TRAPPC9: variants seen among roughly 807,000 people sequenced by gnomAD.
TRAPPC9 encodes trafficking protein particle complex subunit 9.
A neutral mutation model predicts 124.0 loss-of-function variants in TRAPPC9; 83 were observed. The ratio of observed to expected loss-of-function variants is 0.67; its 90% CI spans 0.56 to 0.80. TRAPPC9 has a LOEUF of 0.80. Ranked by LOEUF, TRAPPC9 falls within the 30% of genes least tolerant of loss-of-function variation. The pLI is 0.00. For synonymous variants in TRAPPC9, 638 were observed against 617.5 expected, an observed-to-expected ratio of 1.03 and a Z score of -0.49; for missense variants, 1,302 against 1,508.3, an observed-to-expected ratio of 0.86 and a Z score of 2.27.
chr8:139,762,472 T>C (rs1163709444), intron 21 of TRAPPC9, among the ~76,000 whole-genome samples: 1 of 152,124 alleles, frequency 6.6e-6, no homozygotes, highest in Non-Finnish European at 1.5e-5. Flanking sequence ...CGAGGCCGTG[T>C]GGTGGAGCCC....
intron 17 of TRAPPC9, among the ~76,000 whole-genome samples, chr8:140,147,436 C>A (rs1445849685): frequency 1.3e-5 from 2 of 152,196 alleles, no homozygotes; most frequent in East Asian, 3.9e-4. Flanking sequence ...AGGCCTTGTT[C>A]CCGGCATGAA....
chr8:140,136,322 C>G (rs755457888), intron 17 of TRAPPC9, among the ~76,000 whole-genome samples: 3 of 152,182 alleles, frequency 2.0e-5, no homozygotes, highest in Non-Finnish European at 4.4e-5. Context: ...CAGCAGGAGC[C>G]CACACAGGAG....
intron 21 of TRAPPC9, among the ~76,000 whole-genome samples, chr8:139,845,934 G>A (rs1827046805): frequency 6.6e-6 from 1 of 152,238 alleles, no homozygotes; most frequent in African/African-American, 2.4e-5. Flanking sequence ...ATGGGTCAGA[G>A]CGGTGGAGGA....
At chr8:139,762,435 G>A (rs1283506470) in intron 21 of TRAPPC9, among the ~76,000 whole-genome samples, 19 of 152,132 alleles carry the variant, frequency 1.2e-4, no homozygotes, top group Non-Finnish European at 2.8e-4. Flanking sequence ...GCACTCACAC[G>A]AGCCTGGAGG....
chr8:139,773,574 CCT>C (rs1221195580), intron 21 of TRAPPC9, among the ~76,000 whole-genome samples: 6 of 152,130 alleles, frequency 3.9e-5, no homozygotes, highest in Admixed American at 3.9e-4. Context: ...ACAGCTGCTT[CCT>C]GCTCACCACA....
At chr8:140,282,942 A>G (rs1294896868) in intron 14 of TRAPPC9, among the ~76,000 whole-genome samples, 1 of 152,140 alleles carries the variant, frequency 6.6e-6, no homozygotes, top group African/African-American at 2.4e-5. Context: ...ACTATTTCTT[A>G]CAGGATAAGA....
At chr8:139,749,634 A>T (rs1303757543) in intron 21 of TRAPPC9, among the ~76,000 whole-genome samples, 1 of 152,140 alleles carries the variant, frequency 6.6e-6, no homozygotes, top group Non-Finnish European at 1.5e-5. Context: ...AGTGCTTACG[A>T]GGTTAAACAG....
At chr8:140,445,453 G>A (rs2071210592) in intron 2 of TRAPPC9, among the ~76,000 whole-genome samples, 1 of 152,198 alleles carries the variant, frequency 6.6e-6, no homozygotes, top group African/African-American at 2.4e-5. Context: ...CTCTCCTGTG[G>A]TCTGAACTCT....
rs547012030 is a variant in TRAPPC9 at position 139,917,646 on chromosome 8, C to T, written c.2811-7346G>A. ...CCCGCTGCCAAGCAACAGGCTCGGTCGCCACCGCCTCCATCTTCGCAGCAG... is the reference window on the plus strand; with the variant it reads ...CCCGCTGCCAAGCAACAGGCTCGGTTGCCACCGCCTCCATCTTCGCAGCAG... On this transcript the variant is annotated intron_variant, in intron 19 of 22. Transcript: ENST00000438773. 5.3e-5 allele frequency among the ~76,000 whole-genome samples: 8 copies of T among 152,316 alleles called. No individual in the cohort carries two copies. In the South Asian group the frequency reaches 1.2e-3, roughly 24 times the overall value.
intron 21 of TRAPPC9, among the ~76,000 whole-genome samples, chr8:139,885,309 T>A (rs1490505757): frequency 6.6e-6 from 1 of 152,204 alleles, no homozygotes; most frequent in Non-Finnish European, 1.5e-5. Context: ...TCAAATAAAC[T>A]GTGCTAAGTG....
rs113064822 is a variant in TRAPPC9 at position 140,304,991 on chromosome 8, A to G, written c.1623-4377T>C. 7.8e-4 allele frequency among the ~76,000 whole-genome samples: 119 copies of G among 152,296 alleles called. 2 individuals are homozygous for G. The highest frequency in any genetic ancestry group is 2.7e-3 in the African/African-American group (113 of 41,550). On this transcript the variant is annotated intron_variant, in intron 10 of 22. Coordinates refer to ENST00000438773, the MANE Select transcript of TRAPPC9 (RefSeq NM_001160372.4). ...ACATCAGACACCTGCCTAGATCTTCATGGGGATGTTGCTGAGCATGCTACT... is the reference window on the plus strand; with the variant it reads ...ACATCAGACACCTGCCTAGATCTTCGTGGGGATGTTGCTGAGCATGCTACT...
At chr8:140,332,321 G>T (rs1356709440) in intron 9 of TRAPPC9, among the ~76,000 whole-genome samples, 1 of 152,170 alleles carries the variant, frequency 6.6e-6, no homozygotes, top group Non-Finnish European at 1.5e-5. Context: ...GGAAGGGTTG[G>T]GGGAAGGAAG....
At chr8:140,190,580 CA>C (rs1256275323) in intron 17 of TRAPPC9, among the ~76,000 whole-genome samples, 1 of 152,176 alleles carries the variant, frequency 6.6e-6, no homozygotes, top group Non-Finnish European at 1.5e-5. Flanking sequence ...CAGGTACACC[CA>C]GAGGCAGAGC....
chr8:140,114,949 G>A (rs1273389537), intron 17 of TRAPPC9, among the ~76,000 whole-genome samples: 1 of 152,184 alleles, frequency 6.6e-6, no homozygotes, highest in Non-Finnish European at 1.5e-5. Context: ...TGAGAGCTGG[G>A]TCTGTGCTAG....
intron 9 of TRAPPC9, among the ~76,000 whole-genome samples, chr8:140,342,999 G>T (rs957128611): frequency 3.3e-5 from 5 of 152,128 alleles, no homozygotes; most frequent in Non-Finnish European, 5.9e-5. Context: ...TATACAATGG[G>T]AAGCTTGCGA....
rs1191649549 is a variant in TRAPPC9, at chr8:139,787,158, G to A, written c.3056-54956C>T. Among the ~76,000 whole-genome samples, 9 of 152,132 alleles carry A rather than the reference G, an allele frequency of 5.9e-5. No homozygotes were observed. In the South Asian group the frequency reaches 8.3e-4, roughly 14 times the overall value. ...CTTGCCTTTCTTATGAAAACACAGC[G>A]AGCTGACGGGCGTGAGTGAGTGTGG... On this transcript the variant is annotated intron_variant, in intron 21 of 22. Transcript: ENST00000438773.
At chr8:139,949,777 T>C (rs1483997927) in intron 19 of TRAPPC9, among the ~76,000 whole-genome samples, 1 of 151,916 alleles carries the variant, frequency 6.6e-6, no homozygotes, top group Non-Finnish European at 1.5e-5. Context: ...GGCCAATGGG[T>C]AGGAGTTTTT....
At chr8:139,890,957 C>A (rs960892031) in intron 20 of TRAPPC9, among the ~76,000 whole-genome samples, 1 of 152,160 alleles carries the variant, frequency 6.6e-6, no homozygotes, top group African/African-American at 2.4e-5. Flanking sequence ...CGTGATTAGG[C>A]CACCTGCTTT....
rs998041747 is a variant in TRAPPC9, at chr8:139,962,923, G to A, written c.2810+25803C>T. ...GCCTCAGGAAGCCGGAGGAGCAAGGGAACAGATTCCCCCCAGGCCTCCAGC... is the reference window on the plus strand; with the variant it reads ...GCCTCAGGAAGCCGGAGGAGCAAGGAAACAGATTCCCCCCAGGCCTCCAGC... On this transcript the variant is annotated intron_variant, in intron 19 of 22. Coordinates refer to ENST00000438773, the MANE Select transcript of TRAPPC9 (RefSeq NM_001160372.4). Among the ~76,000 whole-genome samples, 19 of 152,244 alleles carry A rather than the reference G, an allele frequency of 1.2e-4. 1 individual carries two copies. Among genetic ancestry groups the A allele is most frequent in the Admixed American group, 7.8e-4 (12 of 15,296 alleles).
Sources: allele counts gnomAD v4.1 joint callset (sites outside exome capture counted in the v4.1 genomes callset), GRCh38; gene constraint gnomAD v4.1.1; transcripts MANE v1.5; gene names NCBI Gene and HGNC (gene_info 2026-07-23, HGNC 2026-07-21).